Variants in THSD4 observed in about 807,000 individuals in gnomAD.
The protein encoded by THSD4 is thrombospondin type 1 domain containing 4.
A neutral mutation model predicts 119.0 loss-of-function variants in THSD4; 69 were observed. That is an observed-to-expected ratio of 0.58 (90% CI 0.48 to 0.71). The LOEUF is 0.71. Among genes scored for constraint, THSD4 ranks in the 30% least tolerant of loss-of-function variants. The probability of loss-of-function intolerance (pLI) is 0.00; values close to 1 mark genes in which losing one functional copy is unlikely to be tolerated. For synonymous variants in THSD4, 524 were observed against 540.4 expected (o/e 0.97, Z 0.42); for missense variants, 1,393 against 1,391.1 (o/e 1.00, Z -0.02).
At chr15:71,261,061 C>T (rs1185044289) in intron 6 of THSD4, among the ~76,000 whole-genome samples, 1 of 152,214 alleles carries the variant, frequency 6.6e-6, no homozygotes, top group African/African-American at 2.4e-5. Context: ...GAGATGGCAC[C>T]ATTGCACTCC....
chr15:71,687,789 A>T (rs991221686), intron 8 of THSD4, among the ~76,000 whole-genome samples: 1 of 149,162 alleles, frequency 6.7e-6, no homozygotes, highest in Non-Finnish European at 1.5e-5. Flanking sequence ...AGCACCTCAG[A>T]AATTCATCTG....
At chr15:71,609,661 G>A (rs904134966) in intron 7 of THSD4, among the ~76,000 whole-genome samples, 8 of 152,028 alleles carry the variant, frequency 5.3e-5, no homozygotes, top group African/African-American at 1.4e-4. Context: ...GACCATCCTG[G>A]CTAACATGGT....
At chr15:71,564,427 A>G (rs1318633850) in intron 7 of THSD4, among the ~76,000 whole-genome samples, 2 of 152,176 alleles carry the variant, frequency 1.3e-5, no homozygotes, top group Non-Finnish European at 2.9e-5. Flanking sequence ...CATGTTGCCT[A>G]AGTAGGAGTT....
chr15:71,777,152 G>A, intron 17 of THSD4, 80 bp from the exon 18 acceptor site: 3 of 1,557,974 alleles, frequency 1.9e-6, no homozygotes, highest in Non-Finnish European at 2.7e-6. Context: ...TAAAGCCACA[G>A]CCACTGCCCT....
At chr15:71,724,811 G>A (rs2052804227) in intron 8 of THSD4, among the ~76,000 whole-genome samples, 1 of 151,710 alleles carries the variant, frequency 6.6e-6, no homozygotes, top group Non-Finnish European at 1.5e-5. Context: ...TGACGGGTTA[G>A]ATTTGGGGGG....
chr15:71,758,276 T>TGAGCA (rs1202166615), intron 15 of THSD4, among the ~76,000 whole-genome samples: 5 of 152,240 alleles, frequency 3.3e-5, no homozygotes, highest in Non-Finnish European at 7.3e-5. Flanking sequence ...TACGGTGTGC[T>TGAGCA]CATCTAAGTA....
chr15:71,467,815 G>C (rs2047520614), intron 7 of THSD4, among the ~76,000 whole-genome samples: 1 of 150,210 alleles, frequency 6.7e-6, no homozygotes, highest in African/African-American at 2.4e-5. Flanking sequence ...CTGTTCCCAT[G>C]ATATTGAATA....
intron 8 of THSD4, among the ~76,000 whole-genome samples, chr15:71,727,570 A>G (rs1595894479): frequency 8.2e-5 from 2 of 24,360 alleles, no homozygotes; most frequent in Non-Finnish European, 8.1e-5. Flanking sequence ...ATATATATAT[A>G]TATATATATA....
intron 7 of THSD4, among the ~76,000 whole-genome samples, chr15:71,656,264 A>G (rs953922592): frequency 1.3e-5 from 2 of 152,204 alleles, no homozygotes; most frequent in Admixed American, 1.3e-4. Context: ...CATGGTTTTG[A>G]CAAAGTGCTT....
chr15:71,624,735 C>T (rs1273983911), intron 7 of THSD4, among the ~76,000 whole-genome samples: 1 of 152,156 alleles, frequency 6.6e-6, no homozygotes, highest in Non-Finnish European at 1.5e-5. Flanking sequence ...GAATCCAACT[C>T]ATATGGTGGC....
chr15:71,768,062 C>T lies in THSD4; in HGVS notation c.2769+2863C>T, dbSNP rs567834878. On this transcript the variant is annotated intron_variant, in intron 16 of 17. Coordinates refer to ENST00000261862, the MANE Select transcript of THSD4 (RefSeq NM_024817.3). ...GAACCAACTTATTATTATGAAAACC[C>T]GTAAATGAAGGGAAAGATTCAAGTG... Among the ~76,000 whole-genome samples, 52 of 152,116 alleles carry T rather than the reference C, an allele frequency of 3.4e-4. 1 individual carries two copies. The South Asian group carries it at 0.01, about 30-fold the overall frequency.
At chr15:71,300,263 A>G (rs930984638) in intron 6 of THSD4, among the ~76,000 whole-genome samples, 2 of 152,168 alleles carry the variant, frequency 1.3e-5, no homozygotes, top group African/African-American at 4.8e-5. Context: ...GGAAGAAAGC[A>G]GAAGGCATTT....
At position 71,781,678 on chromosome 15, in the gene THSD4, C is replaced by A. The variant is rs1595945972; in HGVS notation, c.*4304C>A. ...GGCACAGTTTAGCTCCTGCAGAGACCCAGCTTTTCACAAGTTGGAGCCTTC... is the reference window on the plus strand; with the variant it reads ...GGCACAGTTTAGCTCCTGCAGAGACACAGCTTTTCACAAGTTGGAGCCTTC... On this transcript the variant is annotated 3_prime_UTR_variant, in exon 18 of 18. Transcript: ENST00000261862. 1 of 152,444 alleles carries A rather than the reference C, an allele frequency of 6.6e-6. No homozygotes were observed. The highest frequency in any genetic ancestry group is 2.4e-5 in the African/African-American group (1 of 41,564). 9.4% of individuals were successfully genotyped at this position (152,444 alleles called of 1,614,324 possible). A position where few individuals can be genotyped will look rare whatever the true frequency, so the allele number is the denominator to read the frequency against.
Position 71,765,199 on chromosome 15 carries a change from G to A in THSD4, c.2769G>A (p.Met923Ile), listed in dbSNP as rs2053695106. The change falls in exon 16 of 18, where the codon ATG becomes ATA. Residue 923 changes from methionine (M) to isoleucine (I), a missense_variant and splice_region_variant. Transcript: ENST00000261862. ...GAKWFSTEWS[M>I]CSKSCQGGFR... The stretch of plus-strand genomic sequence containing the variant: ...AATGGTTTAGCACCGAATGGAGCAT[G>A]GTAAGTCATGGTGCTCTTGATGGAG... 6.2e-7 allele frequency: 1 copy of A among 1,613,530 alleles called. No homozygotes were observed.
intron 7 of THSD4, among the ~76,000 whole-genome samples, chr15:71,470,256 G>C (rs1449825974): frequency 1.3e-5 from 2 of 151,998 alleles, no homozygotes; most frequent in East Asian, 3.9e-4. Context: ...TGCATTCAAG[G>C]GTTGTGGAAA....
chr15:71,155,695 A>G (rs1281833555), intron 3 of THSD4, among the ~76,000 whole-genome samples: 1 of 152,204 alleles, frequency 6.6e-6, no homozygotes, highest in African/African-American at 2.4e-5. Flanking sequence ...GGTCAAGGGC[A>G]GGGATAGAGC....
Position 71,626,144 on chromosome 15 carries a change from G to A in THSD4, c.1153-34386G>A, listed in dbSNP as rs556071978. 1.6e-4 allele frequency among the ~76,000 whole-genome samples: 24 copies of A among 152,206 alleles called. No homozygotes were observed. The South Asian group carries it at 4.6e-3, about 29-fold the overall frequency. Reference sequence around the variant, plus strand: ...GTTATTTTGCATTCTTTTTGTGGTTGGTTATTGTTGGTTATAGAGACGTAC... The same window carrying A: ...GTTATTTTGCATTCTTTTTGTGGTTAGTTATTGTTGGTTATAGAGACGTAC... On this transcript the variant is annotated intron_variant, in intron 7 of 17. Transcript: ENST00000261862.
intron 14 of THSD4, among the ~76,000 whole-genome samples, chr15:71,753,965 A>C (rs2053493390): frequency 6.6e-6 from 1 of 152,174 alleles, no homozygotes. Context: ...TATGTGCATT[A>C]CTTGGTTTTG....
intron 6 of THSD4, among the ~76,000 whole-genome samples, chr15:71,375,885 T>C (rs1180916815): frequency 1.3e-5 from 2 of 152,174 alleles, no homozygotes. Flanking sequence ...TAATAAACCC[T>C]CCAGGTGATT....
Sources: gnomAD v4.1 joint callset for allele counts (sites outside exome capture counted in the v4.1 genomes callset) on GRCh38, gnomAD v4.1.1 for gene constraint, MANE v1.5 for transcripts, NCBI Gene and HGNC (gene_info 2026-07-23, HGNC 2026-07-21) for gene names.